The following AKAP6 variants were observed in gnomAD, a reference collection of about 807,000 sequenced individuals.
The protein encoded by AKAP6 is A-kinase anchoring protein 6, also known as A-kinase anchor protein 6.
AKAP6 carries 58 observed loss-of-function variants against 188.5 expected under a neutral mutation model. The observed-to-expected ratio is 0.31, with a 90% CI of 0.25 to 0.38. The LOEUF (loss-of-function observed/expected upper bound fraction) is 0.38, where lower values mean the gene tolerates loss of function less well. Ranked by LOEUF, AKAP6 falls within the 10% of genes least tolerant of loss-of-function variation. AKAP6 has a pLI of 1.00. For synonymous variants in AKAP6, 989 were observed against 998.6 expected (o/e 0.99, Z 0.18); for missense variants, 2,710 against 2,740.0 (o/e 0.99, Z 0.24).
At chr14:32,714,650 T>C (rs1020356328) in intron 9 of AKAP6, among the ~76,000 whole-genome samples, 3 of 152,030 alleles carry the variant, frequency 2.0e-5, no homozygotes, top group Non-Finnish European at 4.4e-5. Context: ...CTTTGACGTC[T>C]TATTTTCCAC....
At chr14:32,676,095 T>A (rs1368391940) in intron 7 of AKAP6, among the ~76,000 whole-genome samples, 76 of 152,296 alleles carry the variant, frequency 5.0e-4, no homozygotes, top group African/African-American at 1.7e-3. Flanking sequence ...CCTTGGTACC[T>A]AATGGCACAA....
At chr14:32,626,585 C>T (rs1448450101) in intron 7 of AKAP6, among the ~76,000 whole-genome samples, 3 of 152,132 alleles carry the variant, frequency 2.0e-5, no homozygotes. Flanking sequence ...GACCTGCTCA[C>T]AGCTTCTCCA....
chr14:32,534,345 G>C (rs1451411211), intron 2 of AKAP6, among the ~76,000 whole-genome samples: 2 of 152,104 alleles, frequency 1.3e-5, no homozygotes, highest in Admixed American at 1.3e-4. Flanking sequence ...CCTTTTAGCT[G>C]ACACCATCAT....
chr14:32,489,362 C>G (rs1217697587), intron 2 of AKAP6, among the ~76,000 whole-genome samples: 1 of 152,082 alleles, frequency 6.6e-6, no homozygotes, highest in Non-Finnish European at 1.5e-5. Context: ...GCAGATGCCA[C>G]CACGTCTAGC....
chr14:32,489,301 T>A (rs2036946122), intron 2 of AKAP6, among the ~76,000 whole-genome samples: 1 of 152,200 alleles, frequency 6.6e-6, no homozygotes, highest in South Asian at 2.1e-4. Flanking sequence ...CTCAAACTCC[T>A]GGGCTCAAGC....
chr14:32,600,325 T>C (rs1274554948), intron 6 of AKAP6, among the ~76,000 whole-genome samples: 1 of 152,186 alleles, frequency 6.6e-6, no homozygotes, highest in Non-Finnish European at 1.5e-5. Flanking sequence ...GAAACTGTAA[T>C]GTTATTAATT....
intron 1 of AKAP6, among the ~76,000 whole-genome samples, chr14:32,332,517 G>A (rs528812999): frequency 1.3e-5 from 2 of 152,220 alleles, no homozygotes; most frequent in South Asian, 4.2e-4. Flanking sequence ...CTTTCTAGCA[G>A]GATCTCTGTA....
chr14:32,534,104 C>G (rs900014043), intron 2 of AKAP6, among the ~76,000 whole-genome samples: 2 of 151,892 alleles, frequency 1.3e-5, no homozygotes, highest in Admixed American at 6.6e-5. Flanking sequence ...AGATTTTTTC[C>G]CTTGTACATT....
intron 3 of AKAP6, 111 bp from the exon 4 acceptor site, chr14:32,545,119 G>C: frequency 1.0e-6 from 1 of 983,558 alleles, no homozygotes; most frequent in Non-Finnish European, 1.5e-6. Context: ...AAGCAATAGG[G>C]ACCAATACAT....
At chr14:32,349,549 G>A (rs1887191607) in intron 1 of AKAP6, among the ~76,000 whole-genome samples, 1 of 152,168 alleles carries the variant, frequency 6.6e-6, no homozygotes, top group Non-Finnish European at 1.5e-5. Flanking sequence ...TGAGTAATAG[G>A]ATACAATTTT....
intron 1 of AKAP6, among the ~76,000 whole-genome samples, chr14:32,388,131 A>G (rs1253624704): frequency 6.6e-6 from 1 of 152,056 alleles, no homozygotes; most frequent in Non-Finnish European, 1.5e-5. Flanking sequence ...GTTTATGTGC[A>G]TAAAGGTGTT....
chr14:32,531,167 C>A (rs1255443503), intron 2 of AKAP6, among the ~76,000 whole-genome samples: 2 of 152,264 alleles, frequency 1.3e-5, no homozygotes, highest in Middle Eastern at 3.4e-3. Context: ...TTAAACAAAG[C>A]AATGTAGAGG....
In AKAP6 at chr14:32,704,945, G is replaced by A. The variant is rs141916475; in HGVS notation, c.3000+8835G>A. Among the ~76,000 whole-genome samples the A allele has an allele frequency of 2.3e-3, 355 of 152,304 alleles. 4 individuals carry two copies. The highest frequency in any genetic ancestry group is 8.0e-3 in the African/African-American group (333 of 41,580). On this transcript the variant is annotated intron_variant, in intron 9 of 13. Coordinates refer to ENST00000280979, the MANE Select transcript of AKAP6 (RefSeq NM_004274.5). ...TGTATTCCTAAAGCAGGAATGTGGG[G>A]CTAAAAGGTACCTAGGTAACGTTTC...
chr14:32,729,562 A>T (rs1274879243), intron 9 of AKAP6, among the ~76,000 whole-genome samples: 1 of 151,954 alleles, frequency 6.6e-6, no homozygotes, highest in Non-Finnish European at 1.5e-5. Flanking sequence ...ATACACAGGG[A>T]TGGCATTTAG....
chr14:32,624,511 T>G (rs1886937790), intron 7 of AKAP6, among the ~76,000 whole-genome samples: 1 of 152,144 alleles, frequency 6.6e-6, no homozygotes, highest in African/African-American at 2.4e-5. Context: ...AGATGTATAA[T>G]TCAAAAGATT....
chr14:32,565,836 C>T (rs887281559), intron 4 of AKAP6, among the ~76,000 whole-genome samples: 1 of 152,222 alleles, frequency 6.6e-6, no homozygotes, highest in Non-Finnish European at 1.5e-5. Context: ...AAGCTGTTCT[C>T]TCTTGGGCTT....
chr14:32,675,803 C>T (rs1023708961), intron 7 of AKAP6, among the ~76,000 whole-genome samples: 10 of 152,160 alleles, frequency 6.6e-5, no homozygotes, highest in African/African-American at 1.9e-4. Flanking sequence ...GACTATTTTT[C>T]GAGTTACTCT....
chr14:32,622,394 G>T (rs1485192583), intron 7 of AKAP6, among the ~76,000 whole-genome samples: 2 of 151,730 alleles, frequency 1.3e-5, no homozygotes, highest in Admixed American at 6.6e-5. Flanking sequence ...GATTTGACTA[G>T]ACTAGATATA....
chr14:32,722,798 A>G (rs760148872), intron 9 of AKAP6, among the ~76,000 whole-genome samples: 1 of 152,020 alleles, frequency 6.6e-6, no homozygotes, highest in Non-Finnish European at 1.5e-5. Flanking sequence ...TCACCTTTCC[A>G]TCCATTTGTG....
Sources: gnomAD v4.1 joint callset for allele counts (sites outside exome capture counted in the v4.1 genomes callset) on GRCh38, gnomAD v4.1.1 for gene constraint, MANE v1.5 for transcripts, NCBI Gene and HGNC (gene_info 2026-07-23, HGNC 2026-07-21) for gene names.